FCHSD2: variants seen among roughly 807,000 people sequenced by gnomAD.
FCHSD2 encodes F-BAR and double SH3 domains protein 2.
In FCHSD2, 38 loss-of-function variants were observed where a neutral mutation model predicts 108.1. That is an observed-to-expected ratio of 0.35 (90% confidence interval 0.27 to 0.46). The LOEUF (loss-of-function observed/expected upper bound fraction) is 0.46. FCHSD2 is among the 20% of genes least tolerant of loss of function. FCHSD2 has a pLI of 1.00. For synonymous variants in FCHSD2, 279 were observed against 314.7 expected, an observed-to-expected ratio of 0.89 and a Z score of 1.20; for missense variants, 751 against 897.8, an observed-to-expected ratio of 0.84 and a Z score of 2.09.
At chr11:73,045,478 T>C (rs914167968) in intron 3 of FCHSD2, among the ~76,000 whole-genome samples, 11 of 152,078 alleles carry the variant, frequency 7.2e-5, no homozygotes, top group African/African-American at 1.2e-4. Context: ...CGTATGTTTA[T>C]TGTGGCACTA....
intron 8 of FCHSD2, among the ~76,000 whole-genome samples, chr11:72,974,694 T>C (rs978602310): frequency 1.3e-5 from 2 of 151,822 alleles, no homozygotes; most frequent in Non-Finnish European, 2.9e-5. Flanking sequence ...CAAGTACCAG[T>C]GGTAAAGGCA....
intron 3 of FCHSD2, among the ~76,000 whole-genome samples, chr11:73,034,555 C>T (rs1858442532): frequency 6.6e-6 from 1 of 152,296 alleles, no homozygotes; most frequent in South Asian, 2.1e-4. Context: ...GTGAAAACAT[C>T]TCAAGTTAGG....
At chr11:73,033,364 G>T (rs1370234885) in intron 3 of FCHSD2, among the ~76,000 whole-genome samples, 1 of 151,846 alleles carries the variant, frequency 6.6e-6, no homozygotes, top group African/African-American at 2.4e-5. Context: ...GTCCAAAGAT[G>T]ATATGCACAG....
intron 8 of FCHSD2, among the ~76,000 whole-genome samples, chr11:72,929,425 G>A (rs910275639): frequency 3.3e-5 from 5 of 152,190 alleles, no homozygotes; most frequent in Non-Finnish European, 5.9e-5. Flanking sequence ...TCATTTTCTG[G>A]TGGGTAAGAT....
At position 72,991,637 on chromosome 11, in the gene FCHSD2, T is replaced by C. The variant is rs1350352093; in HGVS notation, c.388-2540A>G. 2.0e-5 allele frequency among the ~76,000 whole-genome samples: 3 copies of C among 152,148 alleles called. No homozygotes were observed. The East Asian group carries it at 5.8e-4, about 29-fold the overall frequency. ...AAATCAATAAACATAATCCAGCATATAAACAGAACCAACGACAAAAACCAT... is the reference window on the plus strand; with the variant it reads ...AAATCAATAAACATAATCCAGCATACAAACAGAACCAACGACAAAAACCAT... On this transcript the variant is annotated intron_variant, in intron 5 of 19. Coordinates refer to ENST00000409418, the MANE Select transcript of FCHSD2 (RefSeq NM_014824.3).
chr11:72,910,086 G>A (rs554214941), intron 9 of FCHSD2, among the ~76,000 whole-genome samples: 3 of 150,852 alleles, frequency 2.0e-5, no homozygotes, highest in Non-Finnish European at 3.0e-5. Context: ...TCTGGGAGGT[G>A]AGGAGCCCCT....
chr11:72,972,043 A>G (rs769276597), intron 8 of FCHSD2, among the ~76,000 whole-genome samples: 2 of 152,178 alleles, frequency 1.3e-5, no homozygotes, highest in Non-Finnish European at 2.9e-5. Flanking sequence ...TATTAATTGT[A>G]CCTCAATAAA....
chr11:72,922,976 C>G (rs1856003552), intron 8 of FCHSD2, among the ~76,000 whole-genome samples: 1 of 152,108 alleles, frequency 6.6e-6, no homozygotes, highest in Admixed American at 6.6e-5. Context: ...CCCTGGCAAC[C>G]ACTAGTCTGC....
intron 2 of FCHSD2, among the ~76,000 whole-genome samples, chr11:73,094,247 C>CGGT (rs1208029192): frequency 2.0e-5 from 3 of 152,056 alleles, no homozygotes; most frequent in Non-Finnish European, 4.4e-5. Context: ...ATAAACAAAT[C>CGGT]TACCAGAATG....
chr11:73,003,580 G>C (rs61896233), intron 4 of FCHSD2, among the ~76,000 whole-genome samples: 5 of 148,222 alleles, frequency 3.4e-5, no homozygotes, highest in Non-Finnish European at 7.4e-5. Context: ...TCCACCTCCC[G>C]GGTTCACGCC....
rs146675050 is a variant in FCHSD2 at position 72,981,294 on chromosome 11, A to G, written c.705+2794T>C. Among the ~76,000 whole-genome samples, 116 of 152,330 alleles carry G rather than the reference A, an allele frequency of 7.6e-4. 1 individual carries two copies. Among genetic ancestry groups the G allele is most frequent in the Non-Finnish European group, 1.4e-3 (97 of 68,020 alleles). On this transcript the variant is annotated intron_variant, in intron 8 of 19. Transcript: ENST00000409418. ...ATGACCTACCCAATGCTGATCAAAT[A>G]TATGCATAAAGACTTCAAAGTAAGT...
At chr11:72,887,702 T>C in intron 11 of FCHSD2, 128 bp from the exon 12 acceptor site, 2 of 573,384 alleles carry the variant, frequency 3.5e-6, no homozygotes, top group Non-Finnish European at 5.8e-6. Flanking sequence ...CATTTATTTA[T>C]TTTTTGAACA....
At chr11:72,921,748 T>A in intron 9 of FCHSD2, 80 bp downstream of exon 9, 1 of 1,158,410 alleles carries the variant, frequency 8.6e-7, no homozygotes, top group Non-Finnish European at 1.3e-6. Context: ...ATATCACTAG[T>A]ACCTTCATTT....
At chr11:73,112,665 T>A (rs1860514203) in intron 2 of FCHSD2, among the ~76,000 whole-genome samples, 1 of 152,316 alleles carries the variant, frequency 6.6e-6, no homozygotes, top group Middle Eastern at 3.4e-3. Context: ...GTTGGTGTTG[T>A]TGAGACGGTG....
chr11:72,866,294 A>G (rs1196785253), intron 13 of FCHSD2, among the ~76,000 whole-genome samples: 1 of 151,790 alleles, frequency 6.6e-6, no homozygotes, highest in Non-Finnish European at 1.5e-5. Context: ...TTTGAGACAG[A>G]GTTTCACTCT....
intron 8 of FCHSD2, among the ~76,000 whole-genome samples, chr11:72,954,311 C>A (rs529144875): frequency 6.8e-6 from 1 of 147,964 alleles, no homozygotes; most frequent in Non-Finnish European, 1.5e-5. Context: ...TGGGCTCATG[C>A]AATTCTCTCA....
chr11:72,898,770 C>T (rs1272599468), intron 10 of FCHSD2, among the ~76,000 whole-genome samples: 1 of 151,372 alleles, frequency 6.6e-6, no homozygotes, highest in African/African-American at 2.4e-5. Flanking sequence ...TGCTCTGTCA[C>T]CCAGGATGGA....
At chr11:73,133,030 A>T (rs936597704) in intron 2 of FCHSD2, among the ~76,000 whole-genome samples, 17 of 152,186 alleles carry the variant, frequency 1.1e-4, no homozygotes, top group Non-Finnish European at 5.9e-5. Context: ...CACCATCATA[A>T]GTTGTTAGAA....
intron 8 of FCHSD2, among the ~76,000 whole-genome samples, chr11:72,966,079 G>T (rs1168837098): frequency 6.6e-6 from 1 of 151,830 alleles, no homozygotes; most frequent in Non-Finnish European, 1.5e-5. Flanking sequence ...AAAAGCATGG[G>T]AACATTTAAT....
Sources: allele counts gnomAD v4.1 joint callset (sites outside exome capture counted in the v4.1 genomes callset), GRCh38; gene constraint gnomAD v4.1.1; transcripts MANE v1.5; gene names NCBI Gene and HGNC (gene_info 2026-07-23, HGNC 2026-07-21).